Variants in VIT observed in about 807,000 individuals in gnomAD.
VIT encodes vitrin.
VIT carries 99 observed loss-of-function variants against 78.0 expected under a neutral mutation model. That is an observed-to-expected ratio of 1.27 (90% CI 1.08 to 1.50). VIT has a LOEUF of 1.50. Ranked by LOEUF, VIT falls within the 40% of genes most tolerant of loss-of-function variation. The probability of loss-of-function intolerance (pLI) is 0.00; values close to 1 mark genes in which losing one functional copy is unlikely to be tolerated. For synonymous variants in VIT, 374 were observed against 334.3 expected (o/e 1.12, Z -1.29); for missense variants, 1,126 against 875.3 (o/e 1.29, Z -3.61).
intron 1 of VIT, among the ~76,000 whole-genome samples, chr2:36,714,372 G>C (rs1056970540): frequency 6.6e-6 from 1 of 152,142 alleles, no homozygotes; most frequent in African/African-American, 2.4e-5. Context: ...TGTCACTTTG[G>C]TGGCTTCAAA....
intron 9 of VIT, among the ~76,000 whole-genome samples, chr2:36,780,187 T>A (rs1664649827): frequency 6.6e-6 from 1 of 152,186 alleles, no homozygotes; most frequent in African/African-American, 2.4e-5. Flanking sequence ...GAAAGTGGCA[T>A]GAATATAAGG....
chr2:36,770,755 A>C (rs960074893), intron 7 of VIT, among the ~76,000 whole-genome samples: 3 of 152,198 alleles, frequency 2.0e-5, no homozygotes, highest in African/African-American at 7.2e-5. Flanking sequence ...ACCACAGGCT[A>C]AGGAGGTGGA....
intron 15 of VIT, among the ~76,000 whole-genome samples, chr2:36,812,861 CTTTT>C (rs5830441): frequency 2.7e-5 from 3 of 110,256 alleles, no homozygotes; most frequent in Non-Finnish European, 1.9e-5. Flanking sequence ...TTTTCTTCTT[CTTTT>C]TTTTTTTTTT....
At chr2:36,798,995 G>T (rs373669775) in intron 12 of VIT, among the ~76,000 whole-genome samples, 1 of 152,104 alleles carries the variant, frequency 6.6e-6, no homozygotes, top group Admixed American at 6.6e-5. Flanking sequence ...GTTTGTTTCT[G>T]TTTAGTCCCA....
intron 9 of VIT, among the ~76,000 whole-genome samples, chr2:36,779,123 G>C (rs1331302848): frequency 6.6e-6 from 1 of 152,208 alleles, no homozygotes; most frequent in Non-Finnish European, 1.5e-5. Flanking sequence ...TGAGTTGCAG[G>C]TGGCTGGGCC....
At chr2:36,707,789 C>T (rs10181855) in intron 1 of VIT, among the ~76,000 whole-genome samples, 132,138 of 151,354 alleles carry the variant, frequency 0.87, 58,740 homozygotes, top group Non-Finnish European at 0.95. Flanking sequence ...AACCACCATA[C>T]TGAGAAAAGG....
chr2:36,793,721 A>AGTT (rs1558578183), intron 12 of VIT, among the ~76,000 whole-genome samples: 2 of 151,456 alleles, frequency 1.3e-5, no homozygotes, highest in Non-Finnish European at 2.9e-5. Context: ...GTTTGAGAAA[A>AGTT]TAGAAAAGTT....
chr2:36,713,020 G>C (rs1281543072), intron 1 of VIT, among the ~76,000 whole-genome samples: 2 of 152,114 alleles, frequency 1.3e-5, no homozygotes, highest in Non-Finnish European at 2.9e-5. Flanking sequence ...TGCCCTTTTG[G>C]AGCTTGCATC....
intron 13 of VIT, among the ~76,000 whole-genome samples, chr2:36,803,629 CA>C (rs1666489420): frequency 6.6e-6 from 1 of 152,198 alleles, no homozygotes; most frequent in African/African-American, 2.4e-5. Context: ...GGGTTCTGTG[CA>C]GCCAGTTCAC....
At chr2:36,759,787 A>G (rs893078134) in intron 6 of VIT, 5 of 520,776 alleles carry the variant, frequency 9.6e-6, no homozygotes, top group Non-Finnish European at 1.2e-5. Flanking sequence ...TAAGAATAGC[A>G]GTAGAACTTA....
intron 7 of VIT, among the ~76,000 whole-genome samples, chr2:36,770,295 T>A (rs1397879424): frequency 6.6e-6 from 1 of 152,182 alleles, no homozygotes; most frequent in Admixed American, 6.5e-5. Flanking sequence ...GAGCTACCTG[T>A]GTTTGGGGTC....
At chr2:36,759,140 G>A in intron 6 of VIT, 94 bp downstream of exon 6, 1 of 1,611,540 alleles carries the variant, frequency 6.2e-7, no homozygotes, top group Non-Finnish European at 8.5e-7. Context: ...ATCTTAACCG[G>A]TCAAGCTCCA....
At chr2:36,804,643 A>G (rs1394592050) in intron 13 of VIT, among the ~76,000 whole-genome samples, 1 of 152,176 alleles carries the variant, frequency 6.6e-6, no homozygotes, top group Non-Finnish European at 1.5e-5. Context: ...CATCCTGGCC[A>G]ACATGGTGAA....
intron 14 of VIT, among the ~76,000 whole-genome samples, chr2:36,807,844 G>T (rs1408883694): frequency 1.3e-5 from 2 of 152,214 alleles, no homozygotes; most frequent in Admixed American, 6.5e-5. Flanking sequence ...CAATCTCAGG[G>T]ACTCAGGGAA....
chr2:36,801,427 A>T, intron 13 of VIT, 23 bp downstream of exon 13: 1 of 1,561,272 alleles, frequency 6.4e-7, no homozygotes, highest in Non-Finnish European at 8.8e-7. Context: ...GATTCAAATT[A>T]TACTATCTTG....
At chr2:36,736,847 C>A (rs1257099205) in intron 3 of VIT, among the ~76,000 whole-genome samples, 1 of 152,198 alleles carries the variant, frequency 6.6e-6, no homozygotes, top group Non-Finnish European at 1.5e-5. Flanking sequence ...TAGTAAGTCA[C>A]AAATGCATTT....
intron 3 of VIT, among the ~76,000 whole-genome samples, chr2:36,736,427 T>C (rs1253649788): frequency 6.6e-6 from 1 of 152,216 alleles, no homozygotes; most frequent in Non-Finnish European, 1.5e-5. Context: ...TCCACCAGAC[T>C]CTAGAACAAT....
intron 1 of VIT, among the ~76,000 whole-genome samples, chr2:36,712,983 G>C (rs1200829174): frequency 6.6e-6 from 1 of 152,182 alleles, no homozygotes; most frequent in African/African-American, 2.4e-5. Context: ...TATTTACTGA[G>C]CACCCAAAAA....
intron 2 of VIT, among the ~76,000 whole-genome samples, chr2:36,718,119 C>T (rs1666278784): frequency 2.0e-5 from 3 of 152,164 alleles, no homozygotes; most frequent in Non-Finnish European, 4.4e-5. Flanking sequence ...CCAGTATGAC[C>T]TCATCCTAAC....
Sources: gnomAD v4.1 joint callset for allele counts (sites outside exome capture counted in the v4.1 genomes callset) on GRCh38, gnomAD v4.1.1 for gene constraint, MANE v1.5 for transcripts, NCBI Gene and HGNC (gene_info 2026-07-23, HGNC 2026-07-21) for gene names.